RAD51B: variants seen among roughly 807,000 people sequenced by gnomAD.
RAD51B encodes the protein DNA repair protein RAD51 homolog 2.
In RAD51B, 38 loss-of-function variants were observed where a neutral mutation model predicts 42.2. The ratio of observed to expected loss-of-function variants is 0.90; its 90% CI spans 0.70 to 1.18. The LOEUF is 1.18. Among genes scored for constraint, RAD51B ranks in the 50% most tolerant of loss-of-function variants. The pLI is 0.00. For missense variants in RAD51B, 373 were observed against 400.7 expected (o/e 0.93, Z 0.59); for synonymous variants, 154 against 145.2 (o/e 1.06, Z -0.43).
At chr14:68,146,164 T>G (rs1566680523) in intron 7 of RAD51B, among the ~76,000 whole-genome samples, 1 of 152,126 alleles carries the variant, frequency 6.6e-6, no homozygotes, top group East Asian at 1.9e-4. Flanking sequence ...GAAAAGAAAG[T>G]TTAGGCTGGG....
chr14:67,932,921 A>G (rs1329135229), intron 7 of RAD51B, among the ~76,000 whole-genome samples: 1 of 152,164 alleles, frequency 6.6e-6, no homozygotes, highest in Non-Finnish European at 1.5e-5. Context: ...TGGCAATAGC[A>G]GCAGTGGCAG....
At chr14:67,895,284 G>C (rs2043375626) in intron 7 of RAD51B, among the ~76,000 whole-genome samples, 1 of 152,210 alleles carries the variant, frequency 6.6e-6, no homozygotes, top group Non-Finnish European at 1.5e-5. Flanking sequence ...AAGATCTTAA[G>C]GTTGTAGCTG....
intron 9 of RAD51B, among the ~76,000 whole-genome samples, chr14:68,422,715 C>G (rs2084739306): frequency 6.6e-6 from 1 of 152,122 alleles, no homozygotes; most frequent in Non-Finnish European, 1.5e-5. Context: ...TTATGATATG[C>G]TACACATTAT....
intron 7 of RAD51B, among the ~76,000 whole-genome samples, chr14:67,910,815 A>ATTT (rs575568902): frequency 5.1e-4 from 73 of 144,506 alleles, no homozygotes; most frequent in African/African-American, 1.8e-3. Context: ...GCCCAATGTC[A>ATTT]TTTTTTTTTT....
intron 7 of RAD51B, among the ~76,000 whole-genome samples, chr14:67,996,952 T>C (rs2075395686): frequency 1.3e-5 from 2 of 152,160 alleles, no homozygotes. Context: ...AGATGTAGGA[T>C]ATAAGAGAAA....
At chr14:68,106,980 A>G (rs1162383346) in intron 7 of RAD51B, among the ~76,000 whole-genome samples, 1 of 151,836 alleles carries the variant, frequency 6.6e-6, no homozygotes, top group Non-Finnish European at 1.5e-5. Context: ...ACAGAAGGAG[A>G]ACAAAGTTTT....
intron 7 of RAD51B, among the ~76,000 whole-genome samples, chr14:68,234,355 G>T (rs1420168800): frequency 1.3e-5 from 2 of 152,166 alleles, no homozygotes; most frequent in African/African-American, 4.8e-5. Flanking sequence ...CAATAGTATG[G>T]GTCAAGAAAG....
At chr14:68,325,673 T>C (rs2082234702) in intron 8 of RAD51B, among the ~76,000 whole-genome samples, 1 of 152,042 alleles carries the variant, frequency 6.6e-6, no homozygotes, top group African/African-American at 2.4e-5. Flanking sequence ...CTTGGAGGCA[T>C]CTAGTTAGCG....
At chr14:68,353,907 G>C (rs2082841508) in intron 8 of RAD51B, among the ~76,000 whole-genome samples, 1 of 152,320 alleles carries the variant, frequency 6.6e-6, no homozygotes, top group East Asian at 1.9e-4. Context: ...GGAACTGTGT[G>C]GGGTACCCTC....
intron 7 of RAD51B, among the ~76,000 whole-genome samples, chr14:68,228,864 G>T (rs916933610): frequency 6.6e-6 from 1 of 152,152 alleles, no homozygotes; most frequent in Non-Finnish European, 1.5e-5. Context: ...GATTGCTAAG[G>T]TTCCTTCCAG....
At chr14:68,304,169 C>CAAA (rs34488488) in intron 8 of RAD51B, among the ~76,000 whole-genome samples, 20 of 140,106 alleles carry the variant, frequency 1.4e-4, no homozygotes, top group African/African-American at 5.4e-4. Flanking sequence ...GACTCTGTCT[C>CAAA]AAAAAAAAAA....
intron 10 of RAD51B, among the ~76,000 whole-genome samples, chr14:68,523,095 G>A (rs1274049987): frequency 6.6e-6 from 1 of 152,184 alleles, no homozygotes; most frequent in Admixed American, 6.5e-5. Context: ...ACATATTTGA[G>A]GAATTTTTGT....
At chr14:68,179,384 C>G (rs147397520) in intron 7 of RAD51B, among the ~76,000 whole-genome samples, 123 of 152,050 alleles carry the variant, frequency 8.1e-4, no homozygotes, top group African/African-American at 2.9e-3. Context: ...TTATTTTTTA[C>G]CTAAAAAGTT....
At chr14:68,121,093 A>G (rs8013061) in intron 7 of RAD51B, among the ~76,000 whole-genome samples, 17,635 of 152,036 alleles carry the variant, frequency 0.12, 3,134 homozygotes, top group African/African-American at 0.38. Context: ...GAGATCATGA[A>G]ATTATCTCTT....
At chr14:68,567,297 C>T (rs576912080) in intron 10 of RAD51B, among the ~76,000 whole-genome samples, 77 of 145,186 alleles carry the variant, frequency 5.3e-4, no homozygotes, top group Middle Eastern at 3.5e-3. Flanking sequence ...AAGACTCTGT[C>T]TCAGAAAGAA....
chr14:68,549,027 C>T (rs1888378704), intron 10 of RAD51B, among the ~76,000 whole-genome samples: 1 of 152,136 alleles, frequency 6.6e-6, no homozygotes, highest in Non-Finnish European at 1.5e-5. Flanking sequence ...GTATTCAGAT[C>T]CCCAGGGAGT....
intron 3 of RAD51B, 74 bp from the exon 4 acceptor site, chr14:67,835,006 A>T: frequency 8.7e-7 from 1 of 1,151,026 alleles, no homozygotes; most frequent in Non-Finnish European, 1.3e-6. Context: ...GCTAAAATTT[A>T]GAGAATTAAA....
chr14:67,954,672 T>G (rs2074514224), intron 7 of RAD51B, among the ~76,000 whole-genome samples: 1 of 152,204 alleles, frequency 6.6e-6, no homozygotes, highest in Admixed American at 6.5e-5. Flanking sequence ...AGACTACTCT[T>G]TCAAGGATTT....
rs1309211468 is a variant in RAD51B, at chr14:68,371,064, GAAAA to G, written c.854-40359_854-40356del. ...AAAAAAAAAAAAAAAAAGAAAAAAA[GAAAA>G]GAAAATTAAAAAAAAAGAATTATCT... On this transcript the variant is annotated intron_variant, in intron 8 of 10. Transcript: ENST00000471583. Among the ~76,000 whole-genome samples, 278 of 101,246 alleles carry G rather than the reference GAAAA, an allele frequency of 2.7e-3. 2 individuals are homozygous for G. Among genetic ancestry groups the G allele is most frequent in the African/African-American group, 9.9e-3 (265 of 26,736 alleles). The allele number at this position is 101,246 out of a possible 152,430, so 66.4% of individuals were successfully genotyped here.
Sources: gnomAD v4.1 joint callset for allele counts (sites outside exome capture counted in the v4.1 genomes callset) on GRCh38, gnomAD v4.1.1 for gene constraint, MANE v1.5 for transcripts, NCBI Gene and HGNC (gene_info 2026-07-23, HGNC 2026-07-21) for gene names.